ABCA10: variants seen among roughly 807,000 people sequenced by gnomAD.
The protein encoded by ABCA10 is ATP binding cassette subfamily A member 10.
A neutral mutation model predicts 187.5 loss-of-function variants in ABCA10; 169 were observed. That is an observed-to-expected ratio of 0.90 (90% CI 0.80 to 1.02). The LOEUF is 1.02. Among genes scored for constraint, ABCA10 ranks in the 50% least tolerant of loss-of-function variants. The probability of loss-of-function intolerance (pLI) is 0.00; values close to 1 mark genes in which losing one functional copy is unlikely to be tolerated. For missense variants in ABCA10, 1,727 were observed against 1,812.4 expected, an observed-to-expected ratio of 0.95 and a Z score of 0.86; for synonymous variants, 574 against 601.8, an observed-to-expected ratio of 0.95 and a Z score of 0.68.
chr17:69,150,827 G>A (rs1276592770), intron 36 of ABCA10, among the ~76,000 whole-genome samples: 2 of 152,146 alleles, frequency 1.3e-5, no homozygotes, highest in Non-Finnish European at 2.9e-5. Flanking sequence ...GCACAGAAAG[G>A]ACATTTTCAT....
intron 9 of ABCA10, among the ~76,000 whole-genome samples, chr17:69,202,446 T>G (rs1388972713): frequency 6.6e-6 from 1 of 152,086 alleles, no homozygotes; most frequent in African/African-American, 2.4e-5. Context: ...TTAAGAATGT[T>G]AAGGTAGACG....
intron 36 of ABCA10, 51 bp from the exon 37 acceptor site, chr17:69,150,114 G>T: frequency 2.9e-6 from 4 of 1,377,538 alleles, no homozygotes; most frequent in South Asian, 1.3e-5. Context: ...GTGATAATAC[G>T]GGGGAGGAAT....
At chr17:69,194,627 T>C (rs2074485347) in intron 11 of ABCA10, 132 bp from the exon 12 acceptor site, 1 of 578,674 alleles carries the variant, frequency 1.7e-6, no homozygotes, top group Non-Finnish European at 3.0e-6. Context: ...TATAAAATTA[T>C]ACATTTAATT....
chr17:69,242,901 C>T (rs182831661), intron 1 of ABCA10, among the ~76,000 whole-genome samples: 1 of 152,266 alleles, frequency 6.6e-6, no homozygotes, highest in African/African-American at 2.4e-5. Flanking sequence ...AAACCTGAAA[C>T]TTAGATTGGG....
chr17:69,214,696 T>G lies in ABCA10; in HGVS notation c.1006+8A>C, dbSNP rs1185021303. The G allele has an allele frequency of 2.0e-6, 3 of 1,479,702 alleles. No individual in the cohort carries two copies. The highest frequency in any genetic ancestry group is 1.8e-6 in the Non-Finnish European group (2 of 1,115,688). The allele number at this position is 1,479,702 out of a possible 1,614,324, so 91.7% of individuals were successfully genotyped here. ...TTAAATTTAACTTTAACCACACTAT[T>G]AACTTACCAGGTAAAACTCGCTCAA... On this transcript the variant is annotated splice_region_variant and intron_variant, in intron 9 of 38. Transcript: ENST00000690296.
rs1395254984 is a variant in ABCA10, at chr17:69,162,792, T to G, written c.3363+1282A>C. ...AGTGTCCTCACTTTGATGGGGTTTA[T>G]GTTGAAAAAATTACATATATACATA... is the stretch of plus-strand genomic sequence containing the variant. On this transcript the variant is annotated intron_variant, in intron 27 of 38. Coordinates refer to ENST00000690296, the MANE Select transcript of ABCA10 (RefSeq NM_001377321.1). Among the ~76,000 whole-genome samples the G allele has an allele frequency of 4.6e-5, 7 of 151,226 alleles. No homozygotes were observed. The East Asian group carries it at 1.2e-3, about 25-fold the overall frequency.
chr17:69,172,213 T>C (rs962627499), intron 25 of ABCA10, among the ~76,000 whole-genome samples: 1 of 152,156 alleles, frequency 6.6e-6, no homozygotes, highest in Admixed American at 6.6e-5. Context: ...TTGTTAAGTT[T>C]AGCACATAAA....
In ABCA10 at chr17:69,187,832, C is replaced by T; in HGVS notation, c.2179G>A (p.Gly727Arg). The change falls in exon 19 of 39, where the codon GGA becomes AGA. Residue 727 changes from glycine (G) to arginine (R), a missense_variant. By Grantham distance (125) the Gly-to-Arg change is moderately radical. Coordinates refer to ENST00000690296, the MANE Select transcript of ABCA10 (RefSeq NM_001377321.1). ...QEKIHVTRNT[G>R]DESEMEQVLC... ...ACCTGTTCCATTTCAGACTCATCTC[C>T]AGTATTTCTTGTCACATGTATTTTC... 6.2e-7 allele frequency: 1 copy of T among 1,613,844 alleles called. No individual in the cohort carries two copies. Among genetic ancestry groups the T allele is most frequent in the Non-Finnish European group, 8.5e-7 (1 of 1,179,798 alleles).
intron 1 of ABCA10, among the ~76,000 whole-genome samples, chr17:69,237,438 G>A (rs1455962842): frequency 1.3e-5 from 2 of 152,138 alleles, no homozygotes; most frequent in African/African-American, 4.8e-5. Flanking sequence ...ATTTGCTCTA[G>A]ACTAATATCC....
intron 22 of ABCA10, among the ~76,000 whole-genome samples, chr17:69,177,832 T>C (rs1471064436): frequency 6.7e-6 from 1 of 150,348 alleles, no homozygotes; most frequent in Non-Finnish European, 1.5e-5. Context: ...GGTGCATGCC[T>C]GTAATTCCAG....
Position 69,191,026 on chromosome 17 carries a change from A to G in ABCA10, c.2011+150T>C, listed in dbSNP as rs1477844597. 2.4e-5 allele frequency: 20 copies of G among 822,114 alleles called. 1 individual carries two copies. The highest frequency in any genetic ancestry group is 3.1e-5 in the Non-Finnish European group (19 of 612,442). 50.9% of individuals were successfully genotyped at this position (822,114 alleles called of 1,614,324 possible). ...CTATAATACGTCCCTGGTAACATAG[A>G]TCATCATATTGGAAATAGGAACAGA... On this transcript the variant is annotated intron_variant, in intron 17 of 38. Coordinates refer to ENST00000690296, the MANE Select transcript of ABCA10 (RefSeq NM_001377321.1).
At chr17:69,198,251 G>C (rs1209669958) in intron 10 of ABCA10, among the ~76,000 whole-genome samples, 5 of 152,102 alleles carry the variant, frequency 3.3e-5, no homozygotes, top group African/African-American at 1.2e-4. Context: ...ACCTCAACCA[G>C]GGCTATGACC....
intron 1 of ABCA10, among the ~76,000 whole-genome samples, chr17:69,241,560 G>A (rs573588025): frequency 1.3e-5 from 2 of 152,224 alleles, no homozygotes; most frequent in South Asian, 2.1e-4. Flanking sequence ...TAATCAGTTA[G>A]CTAAAGCTTC....
At chr17:69,218,249 G>A (rs1341980148) in intron 6 of ABCA10, among the ~76,000 whole-genome samples, 1 of 151,972 alleles carries the variant, frequency 6.6e-6, no homozygotes, top group Non-Finnish European at 1.5e-5. Flanking sequence ...TTTCACAAAA[G>A]GCTTTTTCTA....
chr17:69,150,762 G>C (rs947729725), intron 36 of ABCA10, among the ~76,000 whole-genome samples: 2 of 152,092 alleles, frequency 1.3e-5, no homozygotes, highest in Non-Finnish European at 2.9e-5. Context: ...ATTCACACCA[G>C]CCACATCTGA....
intron 32 of ABCA10, 43 bp from the exon 33 acceptor site, chr17:69,153,589 T>A (rs564324204): frequency 6.2e-7 from 1 of 1,606,628 alleles, no homozygotes; most frequent in African/African-American, 1.3e-5. Flanking sequence ...ATATGGCAAA[T>A]GGACCTATCT....
At chr17:69,193,311 C>A (rs761820582) in intron 14 of ABCA10, 63 bp from the exon 15 acceptor site, 2 of 1,577,668 alleles carry the variant, frequency 1.3e-6, no homozygotes, top group East Asian at 2.2e-5. Context: ...CAGAAAGCAC[C>A]ATGAAAACAA....
chr17:69,237,207 T>C (rs140707776), intron 1 of ABCA10, among the ~76,000 whole-genome samples: 179 of 152,342 alleles, frequency 1.2e-3, no homozygotes, highest in African/African-American at 4.1e-3. Context: ...TTGGAATTTA[T>C]TGGCAGAGAG....
chr17:69,166,473 G>A (rs981201550), intron 25 of ABCA10, among the ~76,000 whole-genome samples: 4 of 152,138 alleles, frequency 2.6e-5, no homozygotes, highest in African/African-American at 7.2e-5. Context: ...TTATGCATCT[G>A]TCACTGTAGC....
Sources: gnomAD v4.1 joint callset for allele counts (sites outside exome capture counted in the v4.1 genomes callset) on GRCh38, gnomAD v4.1.1 for gene constraint, MANE v1.5 for transcripts, NCBI Gene and HGNC (gene_info 2026-07-23, HGNC 2026-07-21) for gene names.